Variants in SQSTM1 observed in about 807,000 individuals in gnomAD.
SQSTM1 encodes sequestosome 1.
In SQSTM1, 36 loss-of-function variants were observed where a neutral mutation model predicts 45.1. The ratio of observed to expected loss-of-function variants is 0.80; its 90% CI spans 0.61 to 1.05. The LOEUF (loss-of-function observed/expected upper bound fraction) is 1.05. Ranked by LOEUF, SQSTM1 falls within the 50% of genes least tolerant of loss-of-function variation. SQSTM1 has a pLI of 0.00. For missense variants in SQSTM1, 617 were observed against 607.1 expected, an observed-to-expected ratio of 1.02 and a Z score of -0.17; for synonymous variants, 290 against 244.3, an observed-to-expected ratio of 1.19 and a Z score of -1.74.
Position 179,824,129 on chromosome 5 carries a change from G to A in SQSTM1, c.531+42G>A, listed in dbSNP as rs199994211. 1.3e-5 allele frequency: 21 copies of A among 1,613,620 alleles called. No homozygotes were observed. In the East Asian group the frequency reaches 3.8e-4, roughly 29 times the overall value. ...TGCAGGCCTGGGGTGGGCTCAGGGTGGCAGGAACCTTGACCCGCTCACTGC... is the reference window on the plus strand; with the variant it reads ...TGCAGGCCTGGGGTGGGCTCAGGGTAGCAGGAACCTTGACCCGCTCACTGC... On this transcript the variant is annotated intron_variant, in intron 3 of 7. Coordinates refer to ENST00000389805, the MANE Select transcript of SQSTM1 (RefSeq NM_003900.5).
chr5:179,822,723 C>A, intron 1 of SQSTM1: 1 of 582,830 alleles, frequency 1.7e-6, no homozygotes, highest in Non-Finnish European at 3.2e-6. Context: ...TGCACAGGCC[C>A]TCCGCCCCCT....
At chr5:179,836,327 C>T (rs559137563) in intron 7 of SQSTM1, 109 bp from the exon 8 acceptor site, 30 of 1,476,764 alleles carry the variant, frequency 2.0e-5, no homozygotes, top group African/African-American at 1.2e-4. Context: ...TGGGCAGGCT[C>T]GGACACTGGC....
chr5:179,825,014 TG>T (rs1190214737), intron 4 of SQSTM1, 131 bp from the exon 5 acceptor site: 1 of 814,538 alleles, frequency 1.2e-6, no homozygotes, highest in Non-Finnish European at 2.1e-6. Context: ...GGATGCTGAG[TG>T]GGTCACTGGA....
rs776017872 is a variant in SQSTM1 at position 179,825,119 on chromosome 5, TTTATC to T, written c.674-19_674-15del. 27 of 1,603,262 alleles carry T rather than the reference TTTATC, an allele frequency of 1.7e-5. No homozygotes were observed. In the Middle Eastern group the frequency reaches 5.0e-4, roughly 30 times the overall value. On this transcript the variant is annotated intron_variant, in intron 4 of 7. Coordinates refer to ENST00000389805, the MANE Select transcript of SQSTM1 (RefSeq NM_003900.5). ...AGGTATCCAAGGCATTAAAGATATC[TTTATC>T]TTATCTTTGTAAAAATCAAAGCTTC...
intron 7 of SQSTM1, 158 bp from the exon 8 acceptor site, chr5:179,836,278 G>T: frequency 1.1e-6 from 1 of 933,490 alleles, no homozygotes; most frequent in Non-Finnish European, 1.7e-6. Context: ...CCCTTTACAG[G>T]GAAAGCAGGT....
chr5:179,824,461 A>G, intron 4 of SQSTM1, 138 bp downstream of exon 4: 1 of 1,309,432 alleles, frequency 7.6e-7, no homozygotes, highest in South Asian at 1.2e-5. Context: ...CAATCACACA[A>G]GAACCCTGCA....
intron 5 of SQSTM1, among the ~76,000 whole-genome samples, chr5:179,831,202 G>A (rs565490474): frequency 1.3e-4 from 20 of 152,308 alleles, no homozygotes; most frequent in South Asian, 8.3e-4. Context: ...GCATCACAGC[G>A]CAGCCTCTGC....
chr5:179,835,744 A>G (rs371527918), intron 7 of SQSTM1: 4 of 160,790 alleles, frequency 2.5e-5, no homozygotes, highest in Non-Finnish European at 4.1e-5. Context: ...GCATCTACTC[A>G]TAAGTGAGAA....
Position 179,836,792 on chromosome 5 carries a change from C to T in SQSTM1, c.*199C>T, listed in dbSNP as rs1758583131. On this transcript the variant is annotated 3_prime_UTR_variant, in exon 8 of 8. Transcript: ENST00000389805. The stretch of plus-strand genomic sequence containing the variant: ...CTGTGTGTGTGTGTGCTGATGTTTC[C>T]TGGGTGCCCTGGCTCCTTGCAGCAG... The T allele has an allele frequency of 1.2e-6, 1 of 814,164 alleles. No individual in the cohort carries two copies. Among genetic ancestry groups the T allele is most frequent in the East Asian group, 2.6e-5 (1 of 37,836 alleles). The allele number at this position is 814,164 out of a possible 1,614,324, so 50.4% of individuals were successfully genotyped here. A position where few individuals can be genotyped will look rare whatever the true frequency, so the allele number is the denominator to read the frequency against.
chr5:179,826,669 C>T (rs572098932), intron 5 of SQSTM1, among the ~76,000 whole-genome samples: 4 of 148,764 alleles, frequency 2.7e-5, no homozygotes, highest in East Asian at 4.0e-4. Context: ...GGTGTGATCT[C>T]GGCTCACTGC....
In SQSTM1 at chr5:179,837,917, G is replaced by A. The variant is rs1248912067; in HGVS notation, c.*1324G>A. Reference sequence around the variant, plus strand: ...GAGAAGATGGCCATGCCCTCCATGTGTAAGAACAATGCCAGGGCCCAGGAG... The same window carrying A: ...GAGAAGATGGCCATGCCCTCCATGTATAAGAACAATGCCAGGGCCCAGGAG... On this transcript the variant is annotated 3_prime_UTR_variant, in exon 8 of 8. Transcript: ENST00000389805. The A allele has an allele frequency of 1.1e-5, 17 of 1,584,372 alleles. No individual in the cohort carries two copies. Among genetic ancestry groups the A allele is most frequent in the Non-Finnish European group, 1.4e-5 (16 of 1,169,960 alleles).
Position 179,824,637 on chromosome 5 carries a change from A to T in SQSTM1, c.673+314A>T, listed in dbSNP as rs570377065. On this transcript the variant is annotated intron_variant, in intron 4 of 7. Coordinates refer to ENST00000389805, the MANE Select transcript of SQSTM1 (RefSeq NM_003900.5). ...CTTCCAGCCCAGGGGTCTTTGATGC[A>T]CTTTGTTCTCTTTTGTGATGGTTGT... Among the ~76,000 whole-genome samples, 107 of 152,284 alleles carry T rather than the reference A, an allele frequency of 7.0e-4. 1 individual carries two copies. The highest frequency in any genetic ancestry group is 2.4e-3 in the African/African-American group (98 of 41,552).
At chr5:179,823,454 A>AAAAAAAG in intron 2 of SQSTM1, 1 of 183,970 alleles carries the variant, frequency 5.4e-6, no homozygotes. Flanking sequence ...ACAAAAAAAA[A>AAAAAAAG]AAAAAAAAAA....
upstream of SQSTM1, among the ~76,000 whole-genome samples, chr5:179,819,213 C>T (rs1265122657): frequency 3.9e-5 from 6 of 152,168 alleles, no homozygotes; most frequent in Non-Finnish European, 8.8e-5. Flanking sequence ...CTCGGCCTCG[C>T]GTGGGGGCAG....
At chr5:179,823,445 C>CAAAAAAAAAA (rs59899831) in intron 2 of SQSTM1, 19 of 55,924 alleles carry the variant, frequency 3.4e-4, no homozygotes, top group Admixed American at 1.8e-3. Context: ...GCCTAGGCGA[C>CAAAAAAAAAA]AAAAAAAAAA....
upstream of SQSTM1, among the ~76,000 whole-genome samples, chr5:179,817,370 G>A (rs527339725): frequency 2.0e-5 from 3 of 152,238 alleles, no homozygotes; most frequent in East Asian, 1.9e-4. Context: ...CGCGGTTGAC[G>A]AGGGCCGCCC....
chr5:179,835,407 A>G (rs1328969997), intron 7 of SQSTM1: 1 of 158,806 alleles, frequency 6.3e-6, no homozygotes, highest in Non-Finnish European at 1.4e-5. Context: ...TTGAGCACTG[A>G]GTGAACCAGA....
At chr5:179,819,129 C>T (rs1324860516), upstream of SQSTM1, 1 of 152,300 alleles carries the variant, frequency 6.6e-6, no homozygotes, top group Non-Finnish European at 1.5e-5. Context: ...CCGGCCAGAC[C>T]ACCTGACCTC....
intron 7 of SQSTM1, 30 bp from the exon 8 acceptor site, chr5:179,836,406 C>T: frequency 6.2e-7 from 1 of 1,614,168 alleles, no homozygotes; most frequent in Non-Finnish European, 8.5e-7. Context: ...CTCAGCACCA[C>T]TCCTCATGGC....
Sources: gnomAD v4.1 joint callset for allele counts (sites outside exome capture counted in the v4.1 genomes callset) on GRCh38, gnomAD v4.1.1 for gene constraint, MANE v1.5 for transcripts, NCBI Gene and HGNC (gene_info 2026-07-23, HGNC 2026-07-21) for gene names.